LRP1B: variants seen among roughly 807,000 people sequenced by gnomAD.
The protein encoded by LRP1B is low-density lipoprotein receptor-related protein 1B.
A neutral mutation model predicts 556.6 loss-of-function variants in LRP1B; 217 were observed. The observed-to-expected ratio is 0.39, with a 90% CI of 0.35 to 0.44. The LOEUF (loss-of-function observed/expected upper bound fraction) is 0.44. Ranked by LOEUF, LRP1B falls within the 20% of genes least tolerant of loss-of-function variation. The pLI is 1.00. For missense variants in LRP1B, 5,053 were observed against 5,620.8 expected, an observed-to-expected ratio of 0.90 and a Z score of 3.23; for synonymous variants, 2,047 against 1,865.8, an observed-to-expected ratio of 1.10 and a Z score of -2.50.
intron 31 of LRP1B, among the ~76,000 whole-genome samples, chr2:140,826,879 G>A (rs547344675): frequency 1.3e-5 from 2 of 151,708 alleles, no homozygotes; most frequent in Admixed American, 6.6e-5. Flanking sequence ...CTCAGCCAAG[G>A]GGACACCAAA....
intron 2 of LRP1B, among the ~76,000 whole-genome samples, chr2:141,744,089 T>C (rs1322374000): frequency 6.6e-6 from 1 of 152,044 alleles, no homozygotes; most frequent in Non-Finnish European, 1.5e-5. Context: ...TCATTATTTA[T>C]TTGGAGTTTT....
At chr2:140,408,515 T>C (rs1684843020) in intron 66 of LRP1B, among the ~76,000 whole-genome samples, 1 of 151,754 alleles carries the variant, frequency 6.6e-6, no homozygotes, top group Non-Finnish European at 1.5e-5. Context: ...TTTTAAGTAA[T>C]TTGTTGGAGG....
At chr2:140,510,390 A>G (rs2104919001) in intron 51 of LRP1B, among the ~76,000 whole-genome samples, 1 of 152,368 alleles carries the variant, frequency 6.6e-6, no homozygotes, top group Admixed American at 6.5e-5. Flanking sequence ...CTGAACTAGA[A>G]AAATAATAGT....
At chr2:141,779,442 CAG>C (rs1176921430) in intron 2 of LRP1B, among the ~76,000 whole-genome samples, 2 of 112,680 alleles carry the variant, frequency 1.8e-5, no homozygotes, top group East Asian at 5.5e-4. Flanking sequence ...TTTTTTGAGA[CAG>C]GGTTTCGCTT....
intron 2 of LRP1B, among the ~76,000 whole-genome samples, chr2:141,570,572 T>G (rs1686489467): frequency 6.6e-6 from 1 of 150,624 alleles, no homozygotes; most frequent in Non-Finnish European, 1.5e-5. Context: ...TGTGGCTGCC[T>G]GCTATCTAAA....
In LRP1B at chr2:140,702,162, G is replaced by C; in HGVS notation, c.6281C>G (p.Ala2094Gly). 1 of 1,613,362 alleles carries C rather than the reference G, an allele frequency of 6.2e-7. No individual in the cohort carries two copies. The highest frequency in any genetic ancestry group is 1.3e-5 in the African/African-American group (1 of 74,972). The part of the protein sequence containing the change: ...VDMFSVAVFG[A>G]YIYWSDRAHA... The stretch of plus-strand genomic sequence containing the variant: ...TTACCTGTCAGACCAGTAGATGTAA[G>C]CCCCAAAGACTGCAACTGAAAACAT... The change falls in exon 39 of 91, where the codon GCT (alanine) becomes GGT (glycine). Residue 2094 changes from alanine (A) to glycine (G), a missense_variant. This residue lies in a region of LRP1B where 3,619 missense variants were observed against 3,931.9 expected (regional missense o/e 0.92). Transcript: ENST00000389484.
At chr2:140,284,293 T>C (rs1683032319) in intron 84 of LRP1B, among the ~76,000 whole-genome samples, 2 of 105,060 alleles carry the variant, frequency 1.9e-5, no homozygotes, top group Admixed American at 1.0e-4. Flanking sequence ...ATACATGGCT[T>C]CCCCCCCTCC....
chr2:140,707,450 A>T (rs1574265114), intron 37 of LRP1B, among the ~76,000 whole-genome samples: 1 of 152,104 alleles, frequency 6.6e-6, no homozygotes, highest in East Asian at 1.9e-4. Flanking sequence ...GAACAATAGT[A>T]GCTAGCCTTT....
chr2:141,532,354 G>A (rs1265017933), intron 2 of LRP1B, among the ~76,000 whole-genome samples: 1 of 151,560 alleles, frequency 6.6e-6, no homozygotes, highest in African/African-American at 2.4e-5. Context: ...AGCACAATCA[G>A]GCCATATTCA....
chr2:141,579,724 CTTTTTT>C (rs33913417), intron 2 of LRP1B, among the ~76,000 whole-genome samples: 1 of 101,000 alleles, frequency 9.9e-6, no homozygotes, highest in East Asian at 2.9e-4. Flanking sequence ...TCAGGTTTCA[CTTTTTT>C]TTTTTTTTTT....
At chr2:141,122,125 T>A (rs971845626) in intron 7 of LRP1B, among the ~76,000 whole-genome samples, 1 of 152,148 alleles carries the variant, frequency 6.6e-6, no homozygotes, top group Admixed American at 6.6e-5. Context: ...GACTTAAATG[T>A]TAGACCTAAA....
chr2:141,573,130 A>G (rs1181187116), intron 2 of LRP1B, among the ~76,000 whole-genome samples: 1 of 152,180 alleles, frequency 6.6e-6, no homozygotes, highest in Non-Finnish European at 1.5e-5. Context: ...TCTACCCCAA[A>G]TCAATAGACT....
At chr2:141,118,481 A>C (rs1026427913) in intron 7 of LRP1B, among the ~76,000 whole-genome samples, 9 of 151,934 alleles carry the variant, frequency 5.9e-5, no homozygotes. Context: ...TTTTTTGTAA[A>C]CTAGTTCTTG....
At chr2:141,453,697 G>GTCCTGAGGACA (rs1286779828) in intron 3 of LRP1B, among the ~76,000 whole-genome samples, 1 of 152,090 alleles carries the variant, frequency 6.6e-6, no homozygotes, top group Non-Finnish European at 1.5e-5. Flanking sequence ...GCAGGTGGAT[G>GTCCTGAGGACA]TCCTGAGGTC....
intron 2 of LRP1B, among the ~76,000 whole-genome samples, chr2:141,723,363 A>G (rs1025183683): frequency 3.3e-5 from 5 of 150,078 alleles, no homozygotes; most frequent in Non-Finnish European, 7.4e-5. Flanking sequence ...ATAATTTAAT[A>G]TATATTAATT....
chr2:141,727,355 G>A (rs1693077322), intron 2 of LRP1B, among the ~76,000 whole-genome samples: 1 of 152,034 alleles, frequency 6.6e-6, no homozygotes, highest in African/African-American at 2.4e-5. Flanking sequence ...CCAAAATCTG[G>A]TTTACCTGGA....
chr2:141,010,763 A>C (rs1246460632), intron 14 of LRP1B, among the ~76,000 whole-genome samples: 1 of 151,524 alleles, frequency 6.6e-6, no homozygotes, highest in Non-Finnish European at 1.5e-5. Context: ...TAACCCACCC[A>C]CCTCAGCCTG....
intron 31 of LRP1B, among the ~76,000 whole-genome samples, chr2:140,838,341 T>C (rs1224608343): frequency 6.6e-6 from 1 of 152,174 alleles, no homozygotes; most frequent in Non-Finnish European, 1.5e-5. Context: ...TTTCTTTTGT[T>C]CTATCATTTT....
chr2:140,467,923 G>T (rs534416146), intron 60 of LRP1B, among the ~76,000 whole-genome samples: 1 of 152,130 alleles, frequency 6.6e-6, no homozygotes, highest in Non-Finnish European at 1.5e-5. Flanking sequence ...TTGGAAAATC[G>T]TCAGCCTGGC....
Sources: allele counts gnomAD v4.1 joint callset (sites outside exome capture counted in the v4.1 genomes callset), GRCh38; gene constraint gnomAD v4.1.1; regional missense constraint gnomAD v4.1.1; transcripts MANE v1.5; gene names NCBI Gene and HGNC (gene_info 2026-07-23, HGNC 2026-07-21).